Variants in JMJD1C observed in about 807,000 individuals in gnomAD.
JMJD1C encodes the protein jumonji domain-containing protein 1C.
In JMJD1C, 31 loss-of-function variants were observed where a neutral mutation model predicts 245.3. The observed-to-expected ratio is 0.13, with a 90% confidence interval of 0.09 to 0.17. The LOEUF (loss-of-function observed/expected upper bound fraction) is 0.17, where lower values mean the gene tolerates loss of function less well. Ranked by LOEUF, JMJD1C falls within the 10% of genes least tolerant of loss-of-function variation. The pLI, the probability that JMJD1C is intolerant of heterozygous loss-of-function variation, is 1.00. For synonymous variants in JMJD1C, 1,057 were observed against 1,017.4 expected, an observed-to-expected ratio of 1.04 and a Z score of -0.74; for missense variants, 2,691 against 3,000.2, an observed-to-expected ratio of 0.90 and a Z score of 2.41.
At chr10:63,350,932 T>C (rs1256430137) in intron 2 of JMJD1C, among the ~76,000 whole-genome samples, 1 of 151,522 alleles carries the variant, frequency 6.6e-6, no homozygotes, top group Non-Finnish European at 1.5e-5. Flanking sequence ...AATTTTTATA[T>C]ACATTAAATA....
chr10:63,194,959 A>G (rs1163839821), intron 13 of JMJD1C, among the ~76,000 whole-genome samples: 1 of 152,224 alleles, frequency 6.6e-6, no homozygotes. Flanking sequence ...TGATACCTTG[A>G]TCTCAAGAAC....
chr10:63,386,811 AC>A (rs1947637683), intron 1 of JMJD1C, among the ~76,000 whole-genome samples: 1 of 151,740 alleles, frequency 6.6e-6, no homozygotes, highest in African/African-American at 2.4e-5. Flanking sequence ...CCACTCATTC[AC>A]CCCACTACTG....
chr10:63,418,951 C>A (rs1447008863), intron 1 of JMJD1C, among the ~76,000 whole-genome samples: 1 of 151,776 alleles, frequency 6.6e-6, no homozygotes, highest in Admixed American at 6.6e-5. Context: ...GTGGCACGCG[C>A]CTGTAGCCCC....
intron 1 of JMJD1C, among the ~76,000 whole-genome samples, chr10:63,388,585 G>A (rs773748380): frequency 3.6e-4 from 54 of 152,022 alleles, no homozygotes; most frequent in Non-Finnish European, 7.4e-4. Flanking sequence ...GAAGAGAAAA[G>A]CCTCAAACGA....
chr10:63,257,979 A>T (rs1176671433), intron 3 of JMJD1C, among the ~76,000 whole-genome samples: 4 of 152,216 alleles, frequency 2.6e-5, no homozygotes, highest in Admixed American at 6.5e-5. Flanking sequence ...AGATTGTTAG[A>T]AGTAAGCAGC....
intron 1 of JMJD1C, among the ~76,000 whole-genome samples, chr10:63,458,229 A>C (rs1185383392): frequency 6.6e-6 from 1 of 152,278 alleles, no homozygotes; most frequent in East Asian, 1.9e-4. Flanking sequence ...TCACACCTCT[A>C]ATCCCAACAC....
chr10:63,174,283 C>A (rs748658249), intron 24 of JMJD1C, among the ~76,000 whole-genome samples: 3 of 151,888 alleles, frequency 2.0e-5, no homozygotes, highest in East Asian at 3.9e-4. Context: ...GTGGAAAAAA[C>A]CAAAATGTAC....
intron 1 of JMJD1C, among the ~76,000 whole-genome samples, chr10:63,506,700 C>A (rs188556201): frequency 1.3e-5 from 2 of 152,136 alleles, no homozygotes; most frequent in Non-Finnish European, 2.9e-5. Flanking sequence ...ACAGACACAA[C>A]CTCCTCCAAT....
chr10:63,225,832 T>C (rs1399052919), intron 3 of JMJD1C, among the ~76,000 whole-genome samples: 5 of 151,364 alleles, frequency 3.3e-5, no homozygotes, highest in Non-Finnish European at 5.9e-5. Context: ...GCAGACACTA[T>C]GCTGGGTACT....
chr10:63,197,964 T>TC (rs1215881833), intron 12 of JMJD1C, among the ~76,000 whole-genome samples: 1 of 152,084 alleles, frequency 6.6e-6, no homozygotes, highest in Non-Finnish European at 1.5e-5. Context: ...TTGCTAAGTG[T>TC]CCCCTGAGGG....
At chr10:63,246,199 A>G (rs1056917146) in intron 3 of JMJD1C, among the ~76,000 whole-genome samples, 2 of 152,222 alleles carry the variant, frequency 1.3e-5, no homozygotes, top group Non-Finnish European at 2.9e-5. Flanking sequence ...AGAAGGAGAT[A>G]AAATCCAGGT....
At chr10:63,380,105 ATTT>A (rs34420480) in intron 2 of JMJD1C, 4,385 of 329,006 alleles carry the variant, frequency 0.013, no homozygotes, top group Middle Eastern at 0.017. Flanking sequence ...ACATCCAGCT[ATTT>A]TTTTTTTTTT....
At chr10:63,507,664 C>T (rs1360325730) in intron 1 of JMJD1C, among the ~76,000 whole-genome samples, 1 of 31,454 alleles carries the variant, frequency 3.2e-5, no homozygotes, top group African/African-American at 1.3e-4. Flanking sequence ...AAAAAAAAAA[C>T]AGTGGCTGTG....
At chr10:63,496,343 C>T (rs1191518720) in intron 1 of JMJD1C, among the ~76,000 whole-genome samples, 2 of 152,012 alleles carry the variant, frequency 1.3e-5, no homozygotes, top group African/African-American at 4.8e-5. Context: ...TTGATCTCAA[C>T]TTGAACTATT....
chr10:63,416,280 A>G (rs1949798129), intron 1 of JMJD1C, among the ~76,000 whole-genome samples: 1 of 152,098 alleles, frequency 6.6e-6, no homozygotes, highest in African/African-American at 2.4e-5. Context: ...AATTAACTAC[A>G]TAGCCGAAGA....
intron 1 of JMJD1C, among the ~76,000 whole-genome samples, chr10:63,384,289 T>C (rs1947425596): frequency 6.6e-6 from 1 of 152,210 alleles, no homozygotes; most frequent in African/African-American, 2.4e-5. Context: ...TCATGAATGT[T>C]CTTAATGGCA....
chr10:63,298,896 C>T lies in JMJD1C; in HGVS notation c.334-34132G>A, dbSNP rs192051985. Among the ~76,000 whole-genome samples, 396 of 152,078 alleles carry T rather than the reference C, an allele frequency of 2.6e-3. 3 individuals carry two copies. The highest frequency in any genetic ancestry group is 0.01 in the Middle Eastern group (3 of 292). On this transcript the variant is annotated intron_variant, in intron 2 of 25. Transcript: ENST00000399262. ...TACAGGTGCCCACCACCACGCCTGGCTTTTTTGTATTTTTAGTAGAGACAA... is the reference window on the plus strand; with the variant it reads ...TACAGGTGCCCACCACCACGCCTGGTTTTTTTGTATTTTTAGTAGAGACAA...
At chr10:63,362,994 T>A (rs1184777122) in intron 2 of JMJD1C, among the ~76,000 whole-genome samples, 1 of 152,074 alleles carries the variant, frequency 6.6e-6, no homozygotes, top group African/African-American at 2.4e-5. Flanking sequence ...TTCCCTGAGG[T>A]AACAATCCTC....
At chr10:63,441,470 T>C (rs932612921) in intron 1 of JMJD1C, among the ~76,000 whole-genome samples, 10 of 152,182 alleles carry the variant, frequency 6.6e-5, no homozygotes, top group African/African-American at 2.4e-4. Context: ...AGCTAATACA[T>C]ATAAAGTGCT....
Sources: gnomAD v4.1 joint callset for allele counts (sites outside exome capture counted in the v4.1 genomes callset) on GRCh38, gnomAD v4.1.1 for gene constraint, MANE v1.5 for transcripts, NCBI Gene and HGNC (gene_info 2026-07-23, HGNC 2026-07-21) for gene names.